The following VPS13B variants were observed in gnomAD, a reference collection of about 807,000 sequenced individuals.
VPS13B encodes intermembrane lipid transfer protein VPS13B.
Under a neutral mutation model 426.4 loss-of-function variants are expected in VPS13B, and 285 were observed. The ratio of observed to expected loss-of-function variants is 0.67; its 90% CI spans 0.61 to 0.74. The LOEUF (loss-of-function observed/expected upper bound fraction) is 0.74. VPS13B is among the 30% of genes least tolerant of loss of function. The pLI, the probability that VPS13B is intolerant of heterozygous loss-of-function variation, is 0.00. For missense variants in VPS13B, 4,537 were observed against 4,782.6 expected, an observed-to-expected ratio of 0.95 and a Z score of 1.51; for synonymous variants, 1,676 against 1,676.4, an observed-to-expected ratio of 1.00 and a Z score of 0.01.
At position 99,072,578 on chromosome 8, in the gene VPS13B, C is replaced by A. The variant is rs548619258; in HGVS notation, c.292-23734C>A. Among the ~76,000 whole-genome samples, 17 of 152,218 alleles carry A rather than the reference C, an allele frequency of 1.1e-4. No homozygotes were observed. The South Asian group carries it at 3.5e-3, about 32-fold the overall frequency. On this transcript the variant is annotated intron_variant, in intron 3 of 61. Transcript: ENST00000357162. ...GCGGGGCCGAGGTGGTATAGGCACT[C>A]CCCTGGCTGGGTGGTTTAACATAAT...
intron 24 of VPS13B, among the ~76,000 whole-genome samples, 187 bp downstream of exon 24, chr8:99,467,821 T>A (rs1253397588): frequency 6.9e-6 from 1 of 145,964 alleles, no homozygotes; most frequent in East Asian, 1.9e-4. Flanking sequence ...TTTAAACTCT[T>A]CTGAAAATGT....
At chr8:99,308,229 T>G (rs960244358) in intron 19 of VPS13B, among the ~76,000 whole-genome samples, 1 of 152,104 alleles carries the variant, frequency 6.6e-6, no homozygotes, top group Non-Finnish European at 1.5e-5. Flanking sequence ...GTGCACAACG[T>G]GCAGGTTAGT....
At chr8:99,112,102 T>C (rs919672998) in intron 6 of VPS13B, among the ~76,000 whole-genome samples, 3 of 152,228 alleles carry the variant, frequency 2.0e-5, no homozygotes, top group African/African-American at 7.2e-5. Flanking sequence ...ATGTTTTCAA[T>C]GTATGTGATT....
intron 21 of VPS13B, among the ~76,000 whole-genome samples, chr8:99,418,687 T>C (rs1227008674): frequency 6.6e-6 from 1 of 152,116 alleles, no homozygotes; most frequent in African/African-American, 2.4e-5. Flanking sequence ...TAGCTGGGAT[T>C]GCAGGTGTGT....
At chr8:99,761,451 A>G (rs1361036935) in intron 39 of VPS13B, among the ~76,000 whole-genome samples, 2 of 152,198 alleles carry the variant, frequency 1.3e-5, no homozygotes, top group Non-Finnish European at 2.9e-5. Flanking sequence ...GGCTTCCCAC[A>G]GCAGTTCCCA....
At chr8:99,179,243 A>C (rs539054527) in intron 16 of VPS13B, among the ~76,000 whole-genome samples, 13 of 152,300 alleles carry the variant, frequency 8.5e-5, no homozygotes, top group African/African-American at 2.6e-4. Flanking sequence ...GTTCTTAAAT[A>C]CTGTCTAACT....
chr8:99,767,240 CA>C (rs1811270960), intron 40 of VPS13B, among the ~76,000 whole-genome samples: 1 of 151,684 alleles, frequency 6.6e-6, no homozygotes, highest in Admixed American at 6.6e-5. Context: ...TGGAAAAAAG[CA>C]AGTTAAACAA....
chr8:99,563,614 C>T (rs1264997376), intron 31 of VPS13B, among the ~76,000 whole-genome samples: 1 of 152,096 alleles, frequency 6.6e-6, no homozygotes, highest in Non-Finnish European at 1.5e-5. Context: ...AACTTGTTTC[C>T]ACAGAGTATG....
rs777501514 is a variant in VPS13B, at chr8:99,717,154, C to T, written c.6455-17C>T. ...TGATAAGGATGAATTATATACTCTT[C>T]TGTATTTTTTTTTCAGGCATAATTC... On this transcript the variant is annotated splice_polypyrimidine_tract_variant and intron_variant, in intron 36 of 61. Transcript: ENST00000357162. The T allele has an allele frequency of 6.3e-7, 1 of 1,595,112 alleles. No homozygotes were observed. Among genetic ancestry groups the T allele is most frequent in the South Asian group, 1.1e-5 (1 of 90,552 alleles).
At chr8:99,252,058 A>G (rs185109003) in intron 17 of VPS13B, among the ~76,000 whole-genome samples, 1 of 151,692 alleles carries the variant, frequency 6.6e-6, no homozygotes, top group East Asian at 1.9e-4. Flanking sequence ...TTTTAAATTT[A>G]AAATATAAAT....
intron 34 of VPS13B, among the ~76,000 whole-genome samples, chr8:99,655,497 C>T (rs1829989383): frequency 6.6e-6 from 1 of 152,140 alleles, no homozygotes; most frequent in Non-Finnish European, 1.5e-5. Context: ...TGCTATTTCG[C>T]ATTTCACTGG....
At chr8:99,269,499 A>C (rs1818466222) in intron 17 of VPS13B, among the ~76,000 whole-genome samples, 1 of 152,234 alleles carries the variant, frequency 6.6e-6, no homozygotes, top group Non-Finnish European at 1.5e-5. Flanking sequence ...TTCTGTATAA[A>C]GTTTAGCCAA....
At chr8:99,219,523 T>G (rs759889327) in intron 17 of VPS13B, among the ~76,000 whole-genome samples, 1 of 152,200 alleles carries the variant, frequency 6.6e-6, no homozygotes, top group Non-Finnish European at 1.5e-5. Context: ...GAATGGAGAT[T>G]TATTGGATCA....
intron 40 of VPS13B, among the ~76,000 whole-genome samples, chr8:99,768,342 C>G (rs1811329427): frequency 6.6e-6 from 1 of 152,132 alleles, no homozygotes. Context: ...AATGTTTTTT[C>G]TTTTCTCTGT....
chr8:99,392,777 AT>A (rs1353418988), intron 21 of VPS13B, among the ~76,000 whole-genome samples: 1 of 152,146 alleles, frequency 6.6e-6, no homozygotes, highest in Non-Finnish European at 1.5e-5. Context: ...AAAATATGAC[AT>A]TAATTATGTT....
chr8:99,343,036 G>A (rs1811335538), intron 19 of VPS13B, among the ~76,000 whole-genome samples: 1 of 151,122 alleles, frequency 6.6e-6, no homozygotes, highest in Non-Finnish European at 1.5e-5. Flanking sequence ...TTTGCCTTTT[G>A]TAGGTCTTCT....
At chr8:99,740,291 T>C (rs1809636095) in intron 39 of VPS13B, among the ~76,000 whole-genome samples, 1 of 151,948 alleles carries the variant, frequency 6.6e-6, no homozygotes, top group Non-Finnish European at 1.5e-5. Context: ...TAAAAAGAAA[T>C]GAACAAAGCC....
chr8:99,672,146 A>G (rs1187252593), intron 35 of VPS13B, among the ~76,000 whole-genome samples: 2 of 152,076 alleles, frequency 1.3e-5, no homozygotes, highest in East Asian at 1.9e-4. Flanking sequence ...TGCTTTTTCT[A>G]TTTCTGTGAA....
intron 8 of VPS13B, among the ~76,000 whole-genome samples, chr8:99,122,042 G>A (rs1404673813): frequency 6.8e-6 from 1 of 146,758 alleles, no homozygotes; most frequent in Non-Finnish European, 1.5e-5. Context: ...TTAATATTTT[G>A]TAGAGTTGGG....
Sources: gnomAD v4.1 joint callset for allele counts (sites outside exome capture counted in the v4.1 genomes callset) on GRCh38, gnomAD v4.1.1 for gene constraint, MANE v1.5 for transcripts, NCBI Gene and HGNC (gene_info 2026-07-23, HGNC 2026-07-21) for gene names.